SYBU: variants seen among roughly 807,000 people sequenced by gnomAD.
SYBU encodes the protein syntabulin, also known as GOLSYN A protein.
In SYBU, 21 loss-of-function variants were observed where a neutral mutation model predicts 35.9. The ratio of observed to expected loss-of-function variants is 0.58; its 90% CI spans 0.41 to 0.84. The LOEUF is 0.84. Ranked by LOEUF, SYBU falls within the 40% of genes least tolerant of loss-of-function variation. The pLI, the probability that SYBU is intolerant of heterozygous loss-of-function variation, is 0.00. For synonymous variants in SYBU, 319 were observed against 324.3 expected (o/e 0.98, Z 0.18); for missense variants, 768 against 848.2 (o/e 0.91, Z 1.17).
chr8:109,574,470 A>G lies in SYBU; in HGVS notation c.*436T>C, dbSNP rs1334496091. The G allele has an allele frequency of 6.4e-6, 1 of 155,502 alleles. No individual in the cohort carries two copies. Among genetic ancestry groups the G allele is most frequent in the Non-Finnish European group, 1.4e-5 (1 of 70,040 alleles). The allele number at this position is 155,502 out of a possible 1,614,324, so 9.6% of individuals were successfully genotyped here. A position where few individuals can be genotyped will look rare whatever the true frequency, so the allele number is the denominator to read the frequency against. ...ACTTCTTCAAACCAATTACACAAAT[A>G]CATGTTTATTTTTGGTTACAGTCCC... On this transcript the variant is annotated 3_prime_UTR_variant, in exon 7 of 7. Coordinates refer to ENST00000276646, the MANE Select transcript of SYBU (RefSeq NM_001099754.2).
At chr8:109,661,335 A>G (rs3108864) in intron 1 of SYBU, among the ~76,000 whole-genome samples, 28,566 of 152,186 alleles carry the variant, frequency 0.19, 2,984 homozygotes, top group East Asian at 0.43. Flanking sequence ...TGAACTTTGT[A>G]AATAAAAAAA....
intron 2 of SYBU, among the ~76,000 whole-genome samples, chr8:109,638,616 T>C (rs1316961273): frequency 2.0e-5 from 3 of 152,196 alleles, no homozygotes; most frequent in African/African-American, 7.2e-5. Context: ...CTTCCTTACG[T>C]ATTTTTAAAA....
In SYBU at chr8:109,631,932, T is replaced by G. The variant is rs553952702; in HGVS notation, c.229+10796A>C. 4.1e-3 allele frequency among the ~76,000 whole-genome samples: 615 copies of G among 149,534 alleles called. 1 individual carries two copies. The highest frequency in any genetic ancestry group is 0.014 in the African/African-American group (559 of 39,576). ...GGCCATGCCTTTTTAAAGGCTCAGT[T>G]TTTTTTTTTAAGTTTCTTTGGTAGG... On this transcript the variant is annotated intron_variant, in intron 2 of 6. Coordinates refer to ENST00000276646, the MANE Select transcript of SYBU (RefSeq NM_001099754.2).
At chr8:109,576,053 A>AAC in intron 6 of SYBU, 40 bp from the exon 7 acceptor site, 1 of 1,493,646 alleles carries the variant, frequency 6.7e-7, no homozygotes, top group Non-Finnish European at 8.8e-7. Context: ...AAAAAAAAAA[A>AAC]AAAAAAAAAA....
intron 1 of SYBU, among the ~76,000 whole-genome samples, chr8:109,666,423 A>T (rs1197695266): frequency 1.3e-5 from 2 of 152,108 alleles, no homozygotes; most frequent in Admixed American, 1.3e-4. Context: ...TCTCCCAGAC[A>T]TTGCCAGACA....
At chr8:109,627,663 C>A (rs1586876223) in intron 2 of SYBU, among the ~76,000 whole-genome samples, 2 of 152,134 alleles carry the variant, frequency 1.3e-5, no homozygotes, top group African/African-American at 4.8e-5. Flanking sequence ...TAGCTGTTTT[C>A]TAAAATTTTC....
intron 3 of SYBU, among the ~76,000 whole-genome samples, chr8:109,618,068 G>C (rs1044801010): frequency 6.6e-6 from 1 of 152,206 alleles, no homozygotes; most frequent in Non-Finnish European, 1.5e-5. Context: ...CCAGTAATCT[G>C]TCTTTTCAGC....
At chr8:109,641,100 T>C (rs1272955023) in intron 2 of SYBU, among the ~76,000 whole-genome samples, 2 of 152,220 alleles carry the variant, frequency 1.3e-5, no homozygotes, top group African/African-American at 4.8e-5. Context: ...CTGTGAAACA[T>C]TCTTCACTAG....
At chr8:109,661,451 T>C (rs770047676) in intron 1 of SYBU, among the ~76,000 whole-genome samples, 1 of 152,242 alleles carries the variant, frequency 6.6e-6, no homozygotes, top group African/African-American at 2.4e-5. Context: ...AGATCCCTTA[T>C]GCAGGCTTAG....
chr8:109,630,419 A>G (rs1047421583), intron 2 of SYBU, among the ~76,000 whole-genome samples: 3 of 151,946 alleles, frequency 2.0e-5, no homozygotes, highest in African/African-American at 7.3e-5. Context: ...AACTTGAAGT[A>G]TAATAATAAA....
chr8:109,660,653 AAACAC>A (rs1816527556), intron 1 of SYBU, among the ~76,000 whole-genome samples: 1 of 149,976 alleles, frequency 6.7e-6, no homozygotes, highest in Non-Finnish European at 1.5e-5. Flanking sequence ...AATAAAAAAC[AAACAC>A]ATCTATTAAT....
chr8:109,670,508 A>G (rs1231121635), intron 1 of SYBU, among the ~76,000 whole-genome samples: 2 of 152,030 alleles, frequency 1.3e-5, no homozygotes, highest in African/African-American at 2.4e-5. Flanking sequence ...TTTCATGTAT[A>G]CTAGCTCATT....
rs561521824 is a variant in SYBU at position 109,650,262 on chromosome 8, A to T, written c.-129+30449T>A. Among the ~76,000 whole-genome samples the T allele has an allele frequency of 2.6e-5, 4 of 152,354 alleles. No homozygotes were observed. In the South Asian group the frequency reaches 8.3e-4, roughly 32 times the overall value. On this transcript the variant is annotated intron_variant, in intron 1 of 5. Transcript: ENST00000408889. ...AACAATGGTAGATTTGAGTTACATTAAAAACAATATGTTCTCCATAATGCA... is the reference window on the plus strand; with the variant it reads ...AACAATGGTAGATTTGAGTTACATTTAAAACAATATGTTCTCCATAATGCA...
intron 2 of SYBU, among the ~76,000 whole-genome samples, chr8:109,631,374 T>G (rs1345314168): frequency 6.6e-6 from 1 of 152,188 alleles, no homozygotes; most frequent in East Asian, 1.9e-4. Flanking sequence ...CCTTGTTTCT[T>G]GGAGACAAAA....
In SYBU at chr8:109,577,957, C is replaced by A; in HGVS notation, c.795G>T (p.Glu265Asp). ...ENHGVRPPNP[E>D]QYLTPLQQKE... ...TCTGCTGCAGTGGAGTCAAATACTGCTCTGGGTTTGGGGGTCTGACACCAT... is the reference window on the plus strand; with the variant it reads ...TCTGCTGCAGTGGAGTCAAATACTGATCTGGGTTTGGGGGTCTGACACCAT... Residue 265 changes from glutamate to aspartate, a missense_variant, in exon 6 of 7, where the codon GAG becomes GAT. Transcript: ENST00000276646. 6.2e-7 allele frequency: 1 copy of A among 1,614,042 alleles called. No individual in the cohort carries two copies. Among genetic ancestry groups the A allele is most frequent in the Non-Finnish European group, 8.5e-7 (1 of 1,179,962 alleles).
At chr8:109,602,698 G>T (rs1273503807) in intron 3 of SYBU, among the ~76,000 whole-genome samples, 1 of 152,116 alleles carries the variant, frequency 6.6e-6, no homozygotes, top group Non-Finnish European at 1.5e-5. Context: ...CTCCCAAAGT[G>T]CTGGGATTAC....
At chr8:109,619,105 C>T (rs572099855) in intron 2 of SYBU, 66 bp from the exon 3 acceptor site, 7 of 1,263,112 alleles carry the variant, frequency 5.5e-6, no homozygotes, top group East Asian at 2.3e-5. Flanking sequence ...AGAAGCCATG[C>T]GGTGCACCAC....
intron 3 of SYBU, among the ~76,000 whole-genome samples, chr8:109,595,207 G>T (rs1824727731): frequency 6.6e-6 from 1 of 152,180 alleles, no homozygotes; most frequent in African/African-American, 2.4e-5. Flanking sequence ...CGAGGCTGTT[G>T]TGTAGTGTGA....
intron 3 of SYBU, among the ~76,000 whole-genome samples, chr8:109,602,305 T>A (rs1361255557): frequency 1.3e-5 from 2 of 152,050 alleles, no homozygotes; most frequent in African/African-American, 2.4e-5. Context: ...ATGGGAAATA[T>A]CTCAATCAAA....
Sources: gnomAD v4.1 joint callset for allele counts (sites outside exome capture counted in the v4.1 genomes callset) on GRCh38, gnomAD v4.1.1 for gene constraint, MANE v1.5 for transcripts, NCBI Gene and HGNC (gene_info 2026-07-23, HGNC 2026-07-21) for gene names.